RIN3: variants seen among roughly 807,000 people sequenced by gnomAD.
RIN3 encodes Ras and Rab interactor 3.
Under a neutral mutation model 76.3 loss-of-function variants are expected in RIN3, and 54 were observed. The ratio of observed to expected loss-of-function variants is 0.71; its 90% confidence interval spans 0.57 to 0.89. The LOEUF is 0.89. Among genes scored for constraint, RIN3 ranks in the 40% least tolerant of loss-of-function variants. RIN3 has a pLI of 0.00. For synonymous variants in RIN3, 576 were observed against 564.0 expected (o/e 1.02, Z -0.30); for missense variants, 1,256 against 1,322.1 (o/e 0.95, Z 0.78).
At chr14:92,651,484 C>A in intron 5 of RIN3, 98 bp from the exon 6 acceptor site, 1 of 533,486 alleles carries the variant, frequency 1.9e-6, no homozygotes, top group Admixed American at 2.7e-5. Context: ...CCTTGAACAG[C>A]CCTCCCACCC....
chr14:92,677,640 A>G (rs1888516584), intron 8 of RIN3, among the ~76,000 whole-genome samples: 1 of 152,064 alleles, frequency 6.6e-6, no homozygotes, highest in Admixed American at 6.6e-5. Flanking sequence ...GTAGTTAAAA[A>G]TGTCCTGTAA....
At chr14:92,545,397 A>T (rs1897237344) in intron 1 of RIN3, among the ~76,000 whole-genome samples, 2 of 151,798 alleles carry the variant, frequency 1.3e-5, no homozygotes, top group South Asian at 4.1e-4. Context: ...GGCAGGAGCC[A>T]CCGCGCCCGG....
intron 5 of RIN3, among the ~76,000 whole-genome samples, chr14:92,646,737 G>A (rs1019996814): frequency 2.6e-5 from 4 of 152,184 alleles, no homozygotes; most frequent in African/African-American, 9.7e-5. Flanking sequence ...CACAGCTCCC[G>A]GCCATGTGTG....
intron 2 of RIN3, among the ~76,000 whole-genome samples, chr14:92,567,247 G>A (rs1037496131): frequency 2.6e-5 from 4 of 152,300 alleles, no homozygotes; most frequent in Non-Finnish European, 4.4e-5. Flanking sequence ...CCACATGTCC[G>A]TATACCTCAT....
At chr14:92,626,324 G>A (rs1886353014) in intron 4 of RIN3, among the ~76,000 whole-genome samples, 2 of 152,186 alleles carry the variant, frequency 1.3e-5, no homozygotes, top group South Asian at 2.1e-4. Context: ...CCCCTGAGAA[G>A]AGGATACCCA....
chr14:92,601,592 C>G (rs1462753060), intron 3 of RIN3, among the ~76,000 whole-genome samples: 1 of 152,222 alleles, frequency 6.6e-6, no homozygotes, highest in African/African-American at 2.4e-5. Context: ...TCCCTTCTCC[C>G]CGTCCCCTCT....
chr14:92,581,101 G>C (rs1346047736), intron 3 of RIN3, among the ~76,000 whole-genome samples: 1 of 152,212 alleles, frequency 6.6e-6, no homozygotes, highest in Non-Finnish European at 1.5e-5. Context: ...AGCACCCTCT[G>C]ATGACAGCAG....
At chr14:92,528,054 G>A (rs984202688) in intron 1 of RIN3, among the ~76,000 whole-genome samples, 47 of 151,040 alleles carry the variant, frequency 3.1e-4, no homozygotes, top group African/African-American at 9.7e-4. Context: ...GGAGGGGGGC[G>A]TGGAAGGGGG....
intron 3 of RIN3, among the ~76,000 whole-genome samples, chr14:92,612,222 C>A (rs1192971243): frequency 6.6e-6 from 1 of 152,220 alleles, no homozygotes; most frequent in East Asian, 1.9e-4. Flanking sequence ...AGAGAAGCAA[C>A]AACCTCGGCA....
chr14:92,549,040 T>C (rs1897351755), intron 1 of RIN3, among the ~76,000 whole-genome samples: 1 of 152,168 alleles, frequency 6.6e-6, no homozygotes, highest in African/African-American at 2.4e-5. Flanking sequence ...GCACTCCCTC[T>C]GTGTACTCAT....
At chr14:92,525,923 G>C (rs1896716918) in intron 1 of RIN3, among the ~76,000 whole-genome samples, 1 of 152,260 alleles carries the variant, frequency 6.6e-6, no homozygotes, top group Middle Eastern at 3.4e-3. Context: ...AGGGCATCCT[G>C]CTCAGACTGG....
At chr14:92,633,445 T>C (rs371527818) in intron 4 of RIN3, among the ~76,000 whole-genome samples, 4 of 152,182 alleles carry the variant, frequency 2.6e-5, no homozygotes, top group South Asian at 2.1e-4. Flanking sequence ...GAGGAGGAGA[T>C]GGCAAGAGGA....
intron 4 of RIN3, among the ~76,000 whole-genome samples, chr14:92,640,167 T>C (rs112260517): frequency 8.5e-6 from 1 of 117,690 alleles, no homozygotes; most frequent in South Asian, 3.3e-4. Context: ...GCTGCCTGTG[T>C]GTTTGCTGGG....
Position 92,535,986 on chromosome 14 carries a change from G to A in RIN3, c.45-19765G>A, listed in dbSNP as rs1265061644. Among the ~76,000 whole-genome samples the A allele has an allele frequency of 3.3e-5, 5 of 152,056 alleles. No individual in the cohort carries two copies. The South Asian group carries it at 8.3e-4, about 25-fold the overall frequency. On this transcript the variant is annotated intron_variant, in intron 1 of 9. Coordinates refer to ENST00000216487, the MANE Select transcript of RIN3 (RefSeq NM_024832.5). ...GTTGTTCAACACCCTTTATTGACAA[G>A]ACTGTCCTTTCCTCATGTGCTACTA... is the stretch of plus-strand genomic sequence containing the variant.
intron 7 of RIN3, among the ~76,000 whole-genome samples, chr14:92,665,370 C>CTTTTTTTT (rs55818571): frequency 1.2e-5 from 1 of 83,580 alleles, no homozygotes; most frequent in Non-Finnish European, 2.2e-5. Flanking sequence ...GCCTTTGTCT[C>CTTTTTTTT]TTTTTTTTTT....
At chr14:92,562,623 T>C (rs536489012) in intron 2 of RIN3, among the ~76,000 whole-genome samples, 50 of 152,248 alleles carry the variant, frequency 3.3e-4, no homozygotes, top group African/African-American at 7.5e-4. Flanking sequence ...GCCCCTCGAG[T>C]CCTTCAGTTG....
intron 2 of RIN3, among the ~76,000 whole-genome samples, chr14:92,560,069 T>C (rs1260394965): frequency 6.6e-6 from 1 of 152,124 alleles, no homozygotes; most frequent in African/African-American, 2.4e-5. Context: ...CCACGGGGCT[T>C]AGTTCATTTT....
chr14:92,537,981 C>T (rs368219463), intron 1 of RIN3, among the ~76,000 whole-genome samples: 57 of 152,156 alleles, frequency 3.7e-4, no homozygotes, highest in Non-Finnish European at 6.2e-4. Context: ...GGACTACAGG[C>T]GCCCGCCTGG....
intron 1 of RIN3, among the ~76,000 whole-genome samples, chr14:92,530,063 A>G (rs1896844878): frequency 6.6e-6 from 1 of 152,210 alleles, no homozygotes; most frequent in Non-Finnish European, 1.5e-5. Flanking sequence ...GTTCATGGTG[A>G]CTTTACAAAA....
Sources: allele counts gnomAD v4.1 joint callset (sites outside exome capture counted in the v4.1 genomes callset), GRCh38; gene constraint gnomAD v4.1.1; transcripts MANE v1.5; gene names NCBI Gene and HGNC (gene_info 2026-07-23, HGNC 2026-07-21).